Variants in IFIT1B observed in about 807,000 individuals in gnomAD.
IFIT1B encodes protein IFIT1 homolog B.
Under a neutral mutation model 2.5 loss-of-function variants are expected in IFIT1B, and 3 were observed. The ratio of observed to expected loss-of-function variants is 1.21; its 90% CI spans 0.55 to 3.14. The LOEUF is 3.14. Ranked by LOEUF, IFIT1B falls within the 30% of genes most tolerant of loss-of-function variation. The pLI, the probability that IFIT1B is intolerant of heterozygous loss-of-function variation, is 0.03. For synonymous variants in IFIT1B, 196 were observed against 203.0 expected, an observed-to-expected ratio of 0.97 and a Z score of 0.29; for missense variants, 545 against 556.5, an observed-to-expected ratio of 0.98 and a Z score of 0.21.
chr10:89,379,385 C>T (rs1844144655), intron 1 of IFIT1B, among the ~76,000 whole-genome samples: 1 of 152,006 alleles, frequency 6.6e-6, no homozygotes, highest in South Asian at 2.1e-4. Flanking sequence ...ATGTTGCCTG[C>T]TAAAATTTGA....
chr10:89,383,557 A>G lies in IFIT1B; in HGVS notation c.244A>G (p.Ile82Val). 1 of 1,614,238 alleles carries G rather than the reference A, an allele frequency of 6.2e-7. No homozygotes were observed. Among genetic ancestry groups the G allele is most frequent in the Non-Finnish European group, 8.5e-7 (1 of 1,180,040 alleles). The change falls in exon 2 of 2, where the codon ATT (isoleucine) becomes GTT (valine). Residue 82 changes from isoleucine (I) to valine (V), a missense_variant. Transcript: ENST00000371809. ...LVSLKKAEDL[I>V]QKEHANQADI... ...CAGCTTGAAAAAGGCTGAAGACTTA[A>G]TTCAGAAAGAACATGCCAACCAAGC...
intron 1 of IFIT1B, among the ~76,000 whole-genome samples, chr10:89,379,734 G>A (rs1844148107): frequency 3.3e-5 from 5 of 152,070 alleles, no homozygotes; most frequent in Admixed American, 3.3e-4. Context: ...CGGGCTCCTG[G>A]TCATAAGATG....
rs765880730 is a variant in IFIT1B, at chr10:89,383,941, G to C, written c.628G>C (p.Val210Leu). The change falls in exon 2 of 2, where the codon GTC (valine) becomes CTC (leucine). Residue 210 changes from valine to leucine, a missense_variant. Coordinates refer to ENST00000371809, the MANE Select transcript of IFIT1B (RefSeq NM_001010987.2). The stretch of plus-strand genomic sequence containing the variant: ...TTCTCTGCACGTCCTAAAACGAGCT[G>C]TCAGGCTAAATCCAGATGATGTATA... ...AFSLHVLKRA[V>L]RLNPDDVYIR... 1 of 1,614,184 alleles carries C rather than the reference G, an allele frequency of 6.2e-7. No individual in the cohort carries two copies. Among genetic ancestry groups the C allele is most frequent in the Admixed American group, 1.7e-5 (1 of 60,022 alleles).
At position 89,384,012 on chromosome 10, in the gene IFIT1B, A is replaced by G. The variant is rs763583940; in HGVS notation, c.699A>G (p.Glu233=). The G allele has an allele frequency of 6.2e-7, 1 of 1,614,236 alleles. No homozygotes were observed. Among genetic ancestry groups the G allele is most frequent in the Non-Finnish European group, 8.5e-7 (1 of 1,180,030 alleles). ...LALKLQDEGQ[E]AEGEKYIEEA... The stretch of plus-strand genomic sequence containing the variant: ...TGAAGCTTCAGGATGAAGGACAGGA[A>G]GCTGAAGGAGAAAAGTACATTGAAG... The change falls in exon 2 of 2, where the codon GAA becomes GAG. Residue 233 remains glutamate, a synonymous_variant. Coordinates refer to ENST00000371809, the MANE Select transcript of IFIT1B (RefSeq NM_001010987.2).
intron 1 of IFIT1B, among the ~76,000 whole-genome samples, chr10:89,380,489 G>A (rs1282731792): frequency 6.7e-6 from 1 of 150,122 alleles, no homozygotes; most frequent in Non-Finnish European, 1.5e-5. Flanking sequence ...AGTCTGGAGT[G>A]CAGTGGCATG....
chr10:89,384,780 A>G lies in IFIT1B; in HGVS notation c.*42A>G. On this transcript the variant is annotated 3_prime_UTR_variant, in exon 2 of 2. Transcript: ENST00000371809. ...ATCCATTTAATGGTCTTATAACTAA[A>G]TAGAATGACTATGAAATTAAATAAT... is the stretch of plus-strand genomic sequence containing the variant. The G allele has an allele frequency of 7.0e-7, 1 of 1,418,632 alleles. No individual in the cohort carries two copies. Among genetic ancestry groups the G allele is most frequent in the East Asian group, 2.3e-5 (1 of 43,694 alleles). The allele number at this position is 1,418,632 out of a possible 1,614,324, so 87.9% of individuals were successfully genotyped here.
chr10:89,381,010 A>G (rs1844158604), intron 1 of IFIT1B, among the ~76,000 whole-genome samples: 1 of 152,218 alleles, frequency 6.6e-6, no homozygotes, highest in Non-Finnish European at 1.5e-5. Flanking sequence ...AATCTCAGTG[A>G]AAGCCAAAAT....
In IFIT1B at chr10:89,384,523, A is replaced by C; in HGVS notation, c.1210A>C (p.Lys404Gln). The C allele has an allele frequency of 1.9e-6, 3 of 1,614,082 alleles. No homozygotes were observed. The highest frequency in any genetic ancestry group is 1.7e-6 in the Non-Finnish European group (2 of 1,179,954). ...SQDKAITHYLKGLKIEKMSHS... is the reference protein window; with the variant it reads ...SQDKAITHYLQGLKIEKMSHS... ...AGATAAAGCAATTACCCATTATTTA[A>C]AAGGTTTGAAAATAGAAAAAATGTC... Residue 404 changes from lysine to glutamine, a missense_variant, in exon 2 of 2, where the codon AAA (lysine) becomes CAA (glutamine). Transcript: ENST00000371809.
Position 89,381,265 on chromosome 10 carries a change from C to T in IFIT1B, c.6-2054C>T, listed in dbSNP as rs377556683. On this transcript the variant is annotated intron_variant, in intron 1 of 1. Transcript: ENST00000371809. ...TGTTCTCATCATAGCACAAGCTCCA[C>T]GGGGCATGAGTGGACGATTTGGGTC... Among the ~76,000 whole-genome samples, 16 of 152,260 alleles carry T rather than the reference C, an allele frequency of 1.1e-4. No individual in the cohort carries two copies. The East Asian group carries it at 2.1e-3, about 20-fold the overall frequency.
rs1176192388 is a variant in IFIT1B, at chr10:89,383,627, AT to A, written c.316del (p.Tyr106ThrfsTer101). On this transcript the variant is annotated frameshift_variant, in exon 2 of 2. Coordinates refer to ENST00000371809, the MANE Select transcript of IFIT1B (RefSeq NM_001010987.2). LOFTEE classifies it low-confidence loss of function (END_TRUNC). The part of the protein sequence containing the change: ...LVTWGNFAWV[Y>X]YHMGRLAEAQ... ...ACCTGGGGCAACTTTGCCTGGGTGT[AT>A]TACCACATGGGCAGATTGGCAGAAG... 6.2e-7 allele frequency: 1 copy of A among 1,614,276 alleles called. No homozygotes were observed. The highest frequency in any genetic ancestry group is 1.1e-5 in the South Asian group (1 of 91,090).
Position 89,384,106 on chromosome 10 carries a change from G to T in IFIT1B, c.793G>T (p.Gly265Trp), listed in dbSNP as rs374200876. ...QYAAKFYRRK[G>W]SVDKALELLK... is the part of the protein sequence containing the mutation. ...TGCAGCCAAGTTTTATCGAAGAAAA[G>T]GGTCTGTGGATAAAGCTCTTGAGCT... The change falls in exon 2 of 2, where the codon GGG becomes TGG. Residue 265 changes from glycine to tryptophan, a missense_variant. Physicochemically the swap from Gly to Trp is radical, Grantham distance 184 (BLOSUM62 -2). Coordinates refer to ENST00000371809, the MANE Select transcript of IFIT1B (RefSeq NM_001010987.2). The T allele has an allele frequency of 6.2e-7, 1 of 1,614,168 alleles. No individual in the cohort carries two copies. Among genetic ancestry groups the T allele is most frequent in the South Asian group, 1.1e-5 (1 of 91,076 alleles).
rs201077082 is a variant in IFIT1B at position 89,383,857 on chromosome 10, G to A, written c.544G>A (p.Ala182Thr). The A allele has an allele frequency of 9.9e-6, 16 of 1,614,064 alleles. No individual in the cohort carries two copies. Among genetic ancestry groups the A allele is most frequent in the South Asian group, 2.2e-5 (2 of 91,088 alleles). ...AAACCCTGAATTCAATACTGGGTAC[G>A]CAATCACCGTCTATCGCCTGGATAA... The part of the protein sequence containing the change: ...PENPEFNTGY[A>T]ITVYRLDKFN... The change falls in exon 2 of 2, where the codon GCA (alanine) becomes ACA (threonine). Residue 182 changes from alanine to threonine, a missense_variant. Ala to Thr is a moderately conservative substitution (Grantham distance 58, BLOSUM62 0). Coordinates refer to ENST00000371809, the MANE Select transcript of IFIT1B (RefSeq NM_001010987.2).
rs201316227 is a variant in IFIT1B at position 89,383,498 on chromosome 10, A to C, written c.185A>C (p.Lys62Thr). 7.2e-5 allele frequency: 116 copies of C among 1,614,224 alleles called. No individual in the cohort carries two copies. In the East Asian group the frequency reaches 2.3e-3, roughly 33 times the overall value. Residue 62 changes from lysine to threonine, a missense_variant, in exon 2 of 2, where the codon AAA becomes ACA. Coordinates refer to ENST00000371809, the MANE Select transcript of IFIT1B (RefSeq NM_001010987.2). The part of the protein sequence containing the change: ...VGIHNLLAYV[K>T]HLKGQNEEAL... ...ATACACAACCTACTAGCCTATGTGAAACACCTGAAAGGCCAGAATGAGGAA... is the reference window on the plus strand; with the variant it reads ...ATACACAACCTACTAGCCTATGTGACACACCTGAAAGGCCAGAATGAGGAA...
In IFIT1B at chr10:89,383,385, G is replaced by A. The variant is rs1844177549; in HGVS notation, c.72G>A (p.Lys24=). The stretch of plus-strand genomic sequence containing the variant: ...AGCTGAGATGTCACTTTACATGGAA[G>A]TTGTTAATTGAAGCCCCTGAAATTC... ...LIQLRCHFTW[K]LLIEAPEIPD... The change falls in exon 2 of 2, where the codon AAG becomes AAA. Residue 24 remains lysine (K), a synonymous_variant. Transcript: ENST00000371809. The A allele has an allele frequency of 6.2e-7, 1 of 1,614,214 alleles. No homozygotes were observed. The highest frequency in any genetic ancestry group is 8.5e-7 in the Non-Finnish European group (1 of 1,180,028).
At chr10:89,379,943 G>A (rs535183078) in intron 1 of IFIT1B, among the ~76,000 whole-genome samples, 3 of 152,002 alleles carry the variant, frequency 2.0e-5, no homozygotes, top group East Asian at 3.9e-4. Context: ...GCTGAGGCAG[G>A]AGAATGGCGT....
intron 1 of IFIT1B, among the ~76,000 whole-genome samples, chr10:89,380,403 G>A (rs1020736498): frequency 1.3e-5 from 2 of 151,816 alleles, no homozygotes; most frequent in African/African-American, 4.8e-5. Flanking sequence ...GGCATACAGG[G>A]ATTAGGTCAC....
At chr10:89,381,981 G>C (rs1048843756) in intron 1 of IFIT1B, among the ~76,000 whole-genome samples, 5 of 151,948 alleles carry the variant, frequency 3.3e-5, no homozygotes, top group Admixed American at 6.6e-5. Context: ...TGTTGCCCAG[G>C]CTAGTTTTGA....
In IFIT1B at chr10:89,379,185, T is replaced by A. The variant is rs528152009; in HGVS notation, c.5+1045T>A. 2.0e-5 allele frequency among the ~76,000 whole-genome samples: 3 copies of A among 152,342 alleles called. No individual in the cohort carries two copies. In the South Asian group the frequency reaches 6.2e-4, roughly 32 times the overall value. ...TGTGATTACTGTGAAACTATGAAAT[T>A]GTGATTACTATGAAATTTGCTTTTC... is the stretch of plus-strand genomic sequence containing the variant. On this transcript the variant is annotated intron_variant, in intron 1 of 1. Coordinates refer to ENST00000371809, the MANE Select transcript of IFIT1B (RefSeq NM_001010987.2).
intron 1 of IFIT1B, among the ~76,000 whole-genome samples, chr10:89,382,858 C>G (rs140051225): frequency 3.6e-4 from 55 of 152,316 alleles, no homozygotes; most frequent in Admixed American, 6.5e-4. Context: ...TACTCAGAAC[C>G]CTTCATGGGA....
Sources: allele counts gnomAD v4.1 joint callset (sites outside exome capture counted in the v4.1 genomes callset), GRCh38; gene constraint gnomAD v4.1.1; transcripts MANE v1.5; gene names NCBI Gene and HGNC (gene_info 2026-07-23, HGNC 2026-07-21).